Variants in CCSER1 observed in about 807,000 individuals in gnomAD.
CCSER1 encodes the protein coiled-coil serine rich protein 1, also known as serine-rich coiled-coil domain-containing protein 1.
Under a neutral mutation model 82.0 loss-of-function variants are expected in CCSER1, and 41 were observed. The ratio of observed to expected loss-of-function variants is 0.50; its 90% CI spans 0.39 to 0.65. The LOEUF (loss-of-function observed/expected upper bound fraction) is 0.65. Among genes scored for constraint, CCSER1 ranks in the 30% least tolerant of loss-of-function variants. CCSER1 has a pLI of 0.00. For missense variants in CCSER1, 1,119 were observed against 1,064.2 expected, an observed-to-expected ratio of 1.05 and a Z score of -0.72; for synonymous variants, 414 against 383.9, an observed-to-expected ratio of 1.08 and a Z score of -0.92.
At chr4:90,947,057 T>C (rs1309268683) in intron 9 of CCSER1, among the ~76,000 whole-genome samples, 2 of 152,128 alleles carry the variant, frequency 1.3e-5, no homozygotes, top group Non-Finnish European at 2.9e-5. Context: ...GTACAACAGA[T>C]CTTAAATTTC....
At chr4:90,970,250 G>T (rs1734970489) in intron 9 of CCSER1, among the ~76,000 whole-genome samples, 1 of 151,528 alleles carries the variant, frequency 6.6e-6, no homozygotes, top group South Asian at 2.1e-4. Context: ...AGGAAATGAA[G>T]GAATACAAAA....
chr4:90,938,708 A>C, intron 9 of CCSER1: 1 of 405,966 alleles, frequency 2.5e-6, no homozygotes, highest in South Asian at 1.9e-5. Context: ...CTGAAGGTTT[A>C]TTTAAACCAG....
rs191050758 is a variant in CCSER1 at position 90,399,809 on chromosome 4, T to A, written c.1510-227T>A. On this transcript the variant is annotated intron_variant, in intron 3 of 10. Transcript: ENST00000509176. ...AAATATCATTAAAAAAGAAAAAAAA[T>A]GAATGTGCAGATAATTGGAAAAGTT... 3.3e-3 allele frequency among the ~76,000 whole-genome samples: 500 copies of A among 152,086 alleles called. 5 individuals are homozygous for A. The South Asian group carries it at 0.035, about 11-fold the overall frequency.
At chr4:90,551,706 C>CTCTCTCTCTCTCTCTCTCTCTA in intron 5 of CCSER1, among the ~76,000 whole-genome samples, 64 of 104,230 alleles carry the variant, frequency 6.1e-4, no homozygotes, top group African/African-American at 2.8e-3. Flanking sequence ...CTCTCTCTCT[C>CTCTCTCTCTCTCTCTCTCTCTA]TATATATATA....
chr4:90,336,672 G>A (rs1219015358), intron 3 of CCSER1, among the ~76,000 whole-genome samples: 1 of 152,194 alleles, frequency 6.6e-6, no homozygotes. Flanking sequence ...TTTGAGTAAA[G>A]GTATTGCATA....
chr4:91,249,138 C>T (rs1424807956), intron 10 of CCSER1, among the ~76,000 whole-genome samples: 2 of 152,074 alleles, frequency 1.3e-5, no homozygotes, highest in Admixed American at 6.5e-5. Context: ...AGAAACTATT[C>T]TAAAATAAAA....
At chr4:91,514,223 A>T (rs944854314) in intron 10 of CCSER1, among the ~76,000 whole-genome samples, 2 of 152,180 alleles carry the variant, frequency 1.3e-5, no homozygotes, top group Non-Finnish European at 2.9e-5. Context: ...CCCAAAAGTA[A>T]TTCAGAAGCA....
chr4:90,670,150 A>G (rs907281545), intron 6 of CCSER1, among the ~76,000 whole-genome samples: 1 of 152,138 alleles, frequency 6.6e-6, no homozygotes, highest in African/African-American at 2.4e-5. Flanking sequence ...AATGAGATGG[A>G]ATCTATTAAA....
chr4:91,412,699 C>T (rs1316251981), intron 10 of CCSER1, among the ~76,000 whole-genome samples: 1 of 152,022 alleles, frequency 6.6e-6, no homozygotes, highest in African/African-American at 2.4e-5. Context: ...TTTATCATCC[C>T]AGATACCAAA....
chr4:90,194,697 G>C (rs767677337), intron 1 of CCSER1, among the ~76,000 whole-genome samples: 2 of 152,004 alleles, frequency 1.3e-5, no homozygotes, highest in Non-Finnish European at 2.9e-5. Context: ...CCTGTGGATA[G>C]CTGGAAGGCC....
chr4:91,548,447 T>C (rs1761995216), intron 10 of CCSER1, among the ~76,000 whole-genome samples: 1 of 152,184 alleles, frequency 6.6e-6, no homozygotes. Flanking sequence ...TTTCCTTCTT[T>C]AATGTTCTTT....
chr4:91,043,198 A>C (rs1319499258), intron 9 of CCSER1, among the ~76,000 whole-genome samples: 1 of 152,138 alleles, frequency 6.6e-6, no homozygotes, highest in Non-Finnish European at 1.5e-5. Flanking sequence ...ATCTAATTAC[A>C]GTCCTGATGA....
intron 4 of CCSER1, among the ~76,000 whole-genome samples, chr4:90,456,378 G>A (rs564463415): frequency 2.6e-4 from 40 of 152,236 alleles, no homozygotes; most frequent in Admixed American, 4.6e-4. Flanking sequence ...CCTTATCATT[G>A]TATATAAAGA....
intron 1 of CCSER1, among the ~76,000 whole-genome samples, chr4:90,185,979 T>C (rs114061327): frequency 8.9e-4 from 135 of 152,108 alleles, no homozygotes; most frequent in African/African-American, 3.2e-3. Flanking sequence ...TTGTGCCACA[T>C]TAGGTTCCTC....
At chr4:90,567,805 C>A (rs1779588745) in intron 5 of CCSER1, among the ~76,000 whole-genome samples, 1 of 151,956 alleles carries the variant, frequency 6.6e-6, no homozygotes, top group Non-Finnish European at 1.5e-5. Context: ...CAGAGTTTTA[C>A]TATGCTGCCT....
intron 5 of CCSER1, among the ~76,000 whole-genome samples, chr4:90,513,841 G>A (rs928863951): frequency 1.4e-4 from 21 of 152,200 alleles, no homozygotes; most frequent in African/African-American, 3.6e-4. Context: ...GATGAGGAGC[G>A]GTTGGTGTGA....
chr4:90,387,375 T>C (rs1750222649), intron 3 of CCSER1, among the ~76,000 whole-genome samples: 1 of 152,140 alleles, frequency 6.6e-6, no homozygotes, highest in African/African-American at 2.4e-5. Context: ...GCAGAGCCTA[T>C]GGAAACATAG....
chr4:91,527,503 G>T (rs888155396), intron 10 of CCSER1, among the ~76,000 whole-genome samples: 14 of 152,074 alleles, frequency 9.2e-5, no homozygotes, highest in African/African-American at 3.1e-4. Flanking sequence ...AATAAGAAAT[G>T]AAAGTATCTT....
chr4:91,146,080 C>T (rs1488569541), intron 10 of CCSER1, among the ~76,000 whole-genome samples: 1 of 152,134 alleles, frequency 6.6e-6, no homozygotes, highest in Non-Finnish European at 1.5e-5. Flanking sequence ...GATTTGGTCT[C>T]TCTGTACAAT....
Sources: gnomAD v4.1 joint callset for allele counts (sites outside exome capture counted in the v4.1 genomes callset) on GRCh38, gnomAD v4.1.1 for gene constraint, MANE v1.5 for transcripts, NCBI Gene and HGNC (gene_info 2026-07-23, HGNC 2026-07-21) for gene names.